SLC44A3: variants seen among roughly 807,000 people sequenced by gnomAD.
The protein encoded by SLC44A3 is solute carrier family 44 member 3.
SLC44A3 carries 74 observed loss-of-function variants against 75.4 expected under a neutral mutation model. That is an observed-to-expected ratio of 0.98 (90% CI 0.81 to 1.19). SLC44A3 has a LOEUF of 1.19. Among genes scored for constraint, SLC44A3 ranks in the 50% most tolerant of loss-of-function variants. The pLI is 0.00. For synonymous variants in SLC44A3, 310 were observed against 296.9 expected, an observed-to-expected ratio of 1.04 and a Z score of -0.45; for missense variants, 700 against 778.6, an observed-to-expected ratio of 0.90 and a Z score of 1.20.
intron 8 of SLC44A3, among the ~76,000 whole-genome samples, chr1:94,844,436 A>G (rs1250783124): frequency 6.6e-6 from 1 of 152,244 alleles, no homozygotes; most frequent in Non-Finnish European, 1.5e-5. Flanking sequence ...TGCTGAAAGC[A>G]CAGAGGAATA....
rs747262804 is a variant in SLC44A3, at chr1:94,892,335, C to T, written c.1675C>T (p.Arg559Trp). Residue 559 changes from arginine (R) to tryptophan (W), a missense_variant, in exon 14 of 15, where the codon CGG becomes TGG. Transcript: ENST00000271227. ...FGGLMAFNYN[R>W]AFQVWAVPLL... ...AGGACTCATGGCTTTTAACTACAAT[C>T]GGGCATTCCAGGTGTGGGCAGTCCC... The T allele has an allele frequency of 1.7e-5, 27 of 1,614,080 alleles. No individual in the cohort carries two copies. The highest frequency in any genetic ancestry group is 1.1e-4 in the East Asian group (5 of 44,892).
intron 1 of SLC44A3, 167 bp from the exon 2 acceptor site, chr1:94,820,782 G>A (rs967489456): frequency 4.1e-5 from 57 of 1,392,294 alleles, no homozygotes; most frequent in Non-Finnish European, 5.1e-5. Context: ...GTGTTTCAAA[G>A]GCTGTGTGAA....
rs149020499 is a variant in SLC44A3 at position 94,870,216 on chromosome 1, G to A, written c.1482+2799G>A. Among the ~76,000 whole-genome samples, 37 of 152,226 alleles carry A rather than the reference G, an allele frequency of 2.4e-4. No homozygotes were observed. In the East Asian group the frequency reaches 5.2e-3, roughly 21 times the overall value. ...AATTACATGTTCACCTCACACATGC[G>A]TTCATCCAGCAACCATGTGTTTATG... On this transcript the variant is annotated intron_variant, in intron 12 of 14. Coordinates refer to ENST00000271227, the MANE Select transcript of SLC44A3 (RefSeq NM_001114106.3).
chr1:94,842,097 G>A lies in SLC44A3; in HGVS notation c.858G>A (p.Gly286=). ...TERENMKCVL[G]FAIVSTGITA... is the part of the protein sequence containing the mutation. ...GGGAAAATATGAAGTGCGTGCTGGGGTTTGCTATCGTATCCACAGGCATCA... is the reference window on the plus strand; with the variant it reads ...GGGAAAATATGAAGTGCGTGCTGGGATTTGCTATCGTATCCACAGGCATCA... The change falls in exon 8 of 15, where the codon GGG becomes GGA. Residue 286 remains glycine, a synonymous_variant. Transcript: ENST00000271227. 6.2e-7 allele frequency: 1 copy of A among 1,612,172 alleles called. No individual in the cohort carries two copies. The highest frequency in any genetic ancestry group is 8.5e-7 in the Non-Finnish European group (1 of 1,179,142).
chr1:94,842,046 C>A lies in SLC44A3; in HGVS notation c.807C>A (p.Asp269Glu). The stretch of plus-strand genomic sequence containing the variant: ...GGCTGTATTATGACTATACCAACGA[C>A]CTCAGCATAGAATTGGACACAGAAA... Reference protein sequence around the residue: ...LWWLYYDYTNDLSIELDTERE... With the variant: ...LWWLYYDYTNELSIELDTERE... Residue 269 changes from aspartate to glutamate, a missense_variant, in exon 8 of 15, where the codon GAC becomes GAA. Physicochemically the swap from Asp to Glu is conservative, Grantham distance 45. Coordinates refer to ENST00000271227, the MANE Select transcript of SLC44A3 (RefSeq NM_001114106.3). 6.2e-7 allele frequency: 1 copy of A among 1,613,576 alleles called. No individual in the cohort carries two copies. The highest frequency in any genetic ancestry group is 8.5e-7 in the Non-Finnish European group (1 of 1,179,798).
intron 12 of SLC44A3, among the ~76,000 whole-genome samples, chr1:94,888,954 T>G (rs180833442): frequency 3.3e-5 from 5 of 152,050 alleles, no homozygotes; most frequent in Non-Finnish European, 7.4e-5. Context: ...AAGACAGGGT[T>G]TCACCATGTT....
At chr1:94,828,363 ACTT>A in intron 4 of SLC44A3, 127 bp from the exon 5 acceptor site, 1 of 621,754 alleles carries the variant, frequency 1.6e-6, no homozygotes, top group Non-Finnish European at 2.7e-6. Context: ...TATGCCTATT[ACTT>A]TTGTGTTTCT....
chr1:94,839,889 C>A, intron 6 of SLC44A3, 59 bp from the exon 7 acceptor site: 1 of 1,241,520 alleles, frequency 8.1e-7, no homozygotes, highest in South Asian at 1.2e-5. Flanking sequence ...GCAGTACTAC[C>A]ATCATCTCCC....
At chr1:94,868,081 A>G (rs1224855614) in intron 12 of SLC44A3, among the ~76,000 whole-genome samples, 4 of 152,214 alleles carry the variant, frequency 2.6e-5, no homozygotes, top group Non-Finnish European at 2.9e-5. Flanking sequence ...TATAAAAATT[A>G]TATCTTGCAA....
chr1:94,842,862 C>T (rs1334074903), intron 8 of SLC44A3, among the ~76,000 whole-genome samples: 1 of 152,218 alleles, frequency 6.6e-6, no homozygotes, highest in Non-Finnish European at 1.5e-5. Context: ...CTCACACCAA[C>T]AAAATTCTCT....
intron 10 of SLC44A3, among the ~76,000 whole-genome samples, chr1:94,860,574 G>C (rs908411166): frequency 1.3e-5 from 2 of 152,162 alleles, no homozygotes; most frequent in African/African-American, 4.8e-5. Flanking sequence ...CCCAGAATAG[G>C]ATCTGACTTT....
intron 5 of SLC44A3, among the ~76,000 whole-genome samples, chr1:94,829,579 G>T (rs6664186): frequency 0.012 from 1,863 of 152,214 alleles, 39 homozygotes; most frequent in African/African-American, 0.043. Context: ...TTGCCATGGC[G>T]AATGGCTCAT....
At chr1:94,870,579 C>T (rs1051837677) in intron 12 of SLC44A3, among the ~76,000 whole-genome samples, 9 of 152,204 alleles carry the variant, frequency 5.9e-5, no homozygotes, top group South Asian at 2.1e-4. Context: ...CAGCTACTAA[C>T]GACAGCAATA....
chr1:94,820,738 G>A, intron 1 of SLC44A3: 1 of 1,393,166 alleles, frequency 7.2e-7, no homozygotes. Context: ...GCACTTGGCG[G>A]CAGGGGGCTT....
At chr1:94,889,511 CAT>C (rs1406217279) in intron 12 of SLC44A3, among the ~76,000 whole-genome samples, 2 of 142,366 alleles carry the variant, frequency 1.4e-5, no homozygotes, top group South Asian at 2.2e-4. Flanking sequence ...GAAATCGTCT[CAT>C]GTGAACATAA....
At chr1:94,881,519 A>T (rs1668980653) in intron 12 of SLC44A3, among the ~76,000 whole-genome samples, 1 of 151,342 alleles carries the variant, frequency 6.6e-6, no homozygotes, top group Non-Finnish European at 1.5e-5. Flanking sequence ...CCTGGCTAAC[A>T]TGGTGAAACC....
In SLC44A3 at chr1:94,865,020, A is replaced by G. The variant is rs1022841966; in HGVS notation, c.1395+121A>G. 58 of 1,013,986 alleles carry G rather than the reference A, an allele frequency of 5.7e-5. No individual in the cohort carries two copies. The African/African-American group carries it at 8.8e-4, about 15-fold the overall frequency. 62.8% of individuals were successfully genotyped at this position (1,013,986 alleles called of 1,614,324 possible). On this transcript the variant is annotated intron_variant, in intron 11 of 14. Coordinates refer to ENST00000271227, the MANE Select transcript of SLC44A3 (RefSeq NM_001114106.3). ...ACCTGTGACAGCGGGCCGTGCAGAA[A>G]GCTCCTGCACTCCTCAGCTCCCATC... is the stretch of plus-strand genomic sequence containing the variant.
chr1:94,847,935 T>C (rs1664630437), intron 9 of SLC44A3, among the ~76,000 whole-genome samples: 1 of 152,126 alleles, frequency 6.6e-6, no homozygotes, highest in South Asian at 2.1e-4. Flanking sequence ...GAAATAAAAA[T>C]AGGCCTCTTT....
intron 9 of SLC44A3, 39 bp downstream of exon 9, chr1:94,845,503 C>G (rs1284505596): frequency 1.9e-6 from 3 of 1,552,434 alleles, no homozygotes; most frequent in Admixed American, 2.0e-5. Flanking sequence ...ACCTTGGAGT[C>G]ATACACAGAA....
Sources: allele counts gnomAD v4.1 joint callset (sites outside exome capture counted in the v4.1 genomes callset), GRCh38; gene constraint gnomAD v4.1.1; transcripts MANE v1.5; gene names NCBI Gene and HGNC (gene_info 2026-07-23, HGNC 2026-07-21).